Variants in CR1 observed in about 807,000 individuals in gnomAD.
CR1 encodes complement receptor type 1.
A neutral mutation model predicts 187.3 loss-of-function variants in CR1; 116 were observed. That is an observed-to-expected ratio of 0.62 (90% CI 0.53 to 0.72). CR1 has a LOEUF of 0.72. Among genes scored for constraint, CR1 ranks in the 30% least tolerant of loss-of-function variants. The pLI, the probability that CR1 is intolerant of heterozygous loss-of-function variation, is 0.00. For synonymous variants in CR1, 576 were observed against 747.1 expected (o/e 0.77, Z 3.73); for missense variants, 1,731 against 2,110.7 (o/e 0.82, Z 3.52).
chr1:207,580,666 T>C, intron 31 of CR1, 53 bp downstream of exon 31: 2 of 1,504,566 alleles, frequency 1.3e-6, no homozygotes, highest in East Asian at 2.3e-5. Flanking sequence ...GAGTGACTCT[T>C]GAGCTTAAGG....
chr1:207,581,040 AGCTTCCAG>A lies in CR1; in HGVS notation c.5216+428_5216+435del, dbSNP rs568516095. Reference sequence around the variant, plus strand: ...AGTAAAATCATTTTGGAAAACGTGCAGCTTCCAGTAAGGCACAAAGGAAAAACAATGGC... The same window carrying A: ...AGTAAAATCATTTTGGAAAACGTGCATAAGGCACAAAGGAAAAACAATGGC... On this transcript the variant is annotated intron_variant, in intron 31 of 46. Transcript: ENST00000367049. 3.1e-3 allele frequency among the ~76,000 whole-genome samples: 468 copies of A among 152,318 alleles called. 5 individuals are homozygous for A. Among genetic ancestry groups the A allele is most frequent in the Non-Finnish European group, 4.1e-3 (282 of 68,014 alleles).
chr1:207,510,827 C>CTT lies in CR1; in HGVS notation c.402-731_402-730dup, dbSNP rs111843016. On this transcript the variant is annotated intron_variant, in intron 3 of 46. Transcript: ENST00000367049. ...GCTTTCTTTCTTTCCTTTTTACTTT[C>CTT]TTTTTTTTTTTTGATACAATGTCTT... 9.8e-4 allele frequency among the ~76,000 whole-genome samples: 128 copies of CTT among 130,922 alleles called. 1 individual carries two copies. The highest frequency in any genetic ancestry group is 3.4e-3 in the African/African-American group (121 of 35,614). 85.9% of individuals were successfully genotyped at this position (130,922 alleles called of 152,430 possible). A position where few individuals can be genotyped will look rare whatever the true frequency, so the allele number is the denominator to read the frequency against.
At chr1:207,628,598 A>C (rs1334254843) in intron 45 of CR1, among the ~76,000 whole-genome samples, 1 of 152,230 alleles carries the variant, frequency 6.6e-6, no homozygotes, top group Non-Finnish European at 1.5e-5. Context: ...GTTAGGAATT[A>C]GGCCTTTAGT....
At chr1:207,565,010 C>A (rs1660450112) in intron 23 of CR1, among the ~76,000 whole-genome samples, 1 of 150,190 alleles carries the variant, frequency 6.7e-6, no homozygotes, top group Non-Finnish European at 1.5e-5. Flanking sequence ...CATATATCTT[C>A]TGGCTAGTCA....
chr1:207,605,066 C>G lies in CR1; in HGVS notation c.5811-2185C>G, dbSNP rs1297424362. The stretch of plus-strand genomic sequence containing the variant: ...TTAAGCCTAGAAGTTAGAAACTAGG[C>G]TGGGCAAAATGGCAAAACCCTGTCT... On this transcript the variant is annotated intron_variant, in intron 35 of 46. Coordinates refer to ENST00000367049, the MANE Select transcript of CR1 (RefSeq NM_000651.6). 2.6e-5 allele frequency among the ~76,000 whole-genome samples: 4 copies of G among 152,124 alleles called. No individual in the cohort carries two copies. The South Asian group carries it at 6.2e-4, about 24-fold the overall frequency.
chr1:207,499,864 A>G (rs1239001656), intron 1 of CR1, among the ~76,000 whole-genome samples: 1 of 152,192 alleles, frequency 6.6e-6, no homozygotes, highest in African/African-American at 2.4e-5. Flanking sequence ...AATAAGCTTC[A>G]CATTTGGACA....
chr1:207,609,250 T>TA (rs1310653238), intron 36 of CR1, 40 bp from the exon 37 acceptor site: 1 of 1,485,134 alleles, frequency 6.7e-7, no homozygotes, highest in Non-Finnish European at 9.0e-7. Context: ...AATTCATTAT[T>TA]AAAAAATAAG....
intron 1 of CR1, among the ~76,000 whole-genome samples, chr1:207,500,827 AG>A (rs1659243756): frequency 6.6e-6 from 1 of 152,226 alleles, no homozygotes; most frequent in African/African-American, 2.4e-5. Flanking sequence ...TTTTCATAGC[AG>A]TTTTGTTTGT....
At chr1:207,609,218 G>A (rs1228500066) in intron 36 of CR1, 72 bp from the exon 37 acceptor site, 1 of 1,294,004 alleles carries the variant, frequency 7.7e-7, no homozygotes, top group Non-Finnish European at 1.1e-6. Flanking sequence ...TTTGCATTTG[G>A]TATTTAAATT....
chr1:207,607,587 G>A (rs1661789730), intron 36 of CR1, among the ~76,000 whole-genome samples: 3 of 152,122 alleles, frequency 2.0e-5, no homozygotes, highest in South Asian at 4.1e-4. Flanking sequence ...TATAGAGAGT[G>A]TTGTCCTTAA....
chr1:207,512,507 G>A (rs1454574293), intron 4 of CR1, among the ~76,000 whole-genome samples: 1 of 152,192 alleles, frequency 6.6e-6, no homozygotes. Flanking sequence ...GCCAGGCTGA[G>A]GCTGAGAGAA....
intron 35 of CR1, among the ~76,000 whole-genome samples, chr1:207,598,097 G>C (rs138778003): frequency 6.6e-6 from 1 of 152,278 alleles, no homozygotes; most frequent in East Asian, 1.9e-4. Context: ...GGAGAGAATA[G>C]GGAGTTACAA....
At chr1:207,583,084 A>G (rs1661011225) in intron 32 of CR1, among the ~76,000 whole-genome samples, 1 of 152,206 alleles carries the variant, frequency 6.6e-6, no homozygotes, top group South Asian at 2.1e-4. Flanking sequence ...GAACAGATGC[A>G]TGGACTGAGC....
intron 45 of CR1, among the ~76,000 whole-genome samples, chr1:207,627,337 C>T (rs1223749376): frequency 6.6e-6 from 1 of 152,146 alleles, no homozygotes; most frequent in Admixed American, 6.5e-5. Flanking sequence ...GTCCTATCTT[C>T]ACCAATGGAT....
At chr1:207,611,347 G>A (rs1239885869) in intron 37 of CR1, among the ~76,000 whole-genome samples, 1 of 152,230 alleles carries the variant, frequency 6.6e-6, no homozygotes, top group Non-Finnish European at 1.5e-5. Context: ...TCTGTAGGAA[G>A]TGGAAGAGTG....
At chr1:207,628,539 C>T (rs1008824827) in intron 45 of CR1, among the ~76,000 whole-genome samples, 8 of 152,182 alleles carry the variant, frequency 5.3e-5, no homozygotes, top group African/African-American at 1.9e-4. Flanking sequence ...GCATAAAACA[C>T]TCTAGGTTCA....
intron 4 of CR1, among the ~76,000 whole-genome samples, chr1:207,522,049 C>A (rs1362058707): frequency 1.3e-5 from 2 of 152,046 alleles, no homozygotes; most frequent in East Asian, 3.8e-4. Flanking sequence ...GGGTCAGTTT[C>A]TGTCATCAGT....
intron 5 of CR1, among the ~76,000 whole-genome samples, chr1:207,524,519 G>A (rs1660105944): frequency 6.6e-6 from 1 of 151,900 alleles, no homozygotes; most frequent in African/African-American, 2.4e-5. Flanking sequence ...AAGTAGCTGG[G>A]AATATAGGTG....
At chr1:207,521,440 G>C (rs940583081) in intron 4 of CR1, among the ~76,000 whole-genome samples, 1 of 151,942 alleles carries the variant, frequency 6.6e-6, no homozygotes, top group African/African-American at 2.4e-5. Context: ...TATTTAGTCT[G>C]TATTTTTTAA....
Sources: allele counts gnomAD v4.1 joint callset (sites outside exome capture counted in the v4.1 genomes callset), GRCh38; gene constraint gnomAD v4.1.1; transcripts MANE v1.5; gene names NCBI Gene and HGNC (gene_info 2026-07-23, HGNC 2026-07-21).